The following THSD4 variants were observed in gnomAD, a reference collection of about 807,000 sequenced individuals.
THSD4 encodes thrombospondin type 1 domain containing 4, also known as thrombospondin type-1 domain-containing protein 4.
THSD4 carries 69 observed loss-of-function variants against 119.0 expected under a neutral mutation model. That is an observed-to-expected ratio of 0.58 (90% CI 0.48 to 0.71). THSD4 has a LOEUF of 0.71. Among genes scored for constraint, THSD4 ranks in the 30% least tolerant of loss-of-function variants. The pLI is 0.00. For synonymous variants in THSD4, 524 were observed against 540.4 expected, an observed-to-expected ratio of 0.97 and a Z score of 0.42; for missense variants, 1,393 against 1,391.1, an observed-to-expected ratio of 1.00 and a Z score of -0.02.
intron 6 of THSD4, among the ~76,000 whole-genome samples, chr15:71,398,296 G>A (rs2046478449): frequency 6.6e-6 from 1 of 152,142 alleles, no homozygotes; most frequent in Non-Finnish European, 1.5e-5. Flanking sequence ...ATGGTGGGAG[G>A]GTGGTTCTTT....
intron 7 of THSD4, among the ~76,000 whole-genome samples, chr15:71,442,660 G>GTGTGTGTATATA: frequency 6.6e-4 from 17 of 25,822 alleles, no homozygotes; most frequent in African/African-American, 1.7e-3. Flanking sequence ...GTGTGTGTGT[G>GTGTGTGTATATA]TATATATATA....
intron 14 of THSD4, among the ~76,000 whole-genome samples, chr15:71,753,260 C>A (rs746273322): frequency 6.6e-6 from 1 of 152,116 alleles, no homozygotes; most frequent in Admixed American, 6.5e-5. Flanking sequence ...AAGTAAGCAT[C>A]GTTGACTTTT....
chr15:71,298,707 G>A (rs2044901696), intron 6 of THSD4, among the ~76,000 whole-genome samples: 1 of 151,074 alleles, frequency 6.6e-6, no homozygotes, highest in African/African-American at 2.4e-5. Flanking sequence ...CTGCCTCCTG[G>A]GTTCAAGCAA....
At chr15:71,398,916 T>C (rs1207765212) in intron 6 of THSD4, among the ~76,000 whole-genome samples, 1 of 151,950 alleles carries the variant, frequency 6.6e-6, no homozygotes, top group East Asian at 1.9e-4. Context: ...AGGCTTCCTT[T>C]ATTTAACTGG....
intron 7 of THSD4, among the ~76,000 whole-genome samples, chr15:71,436,765 G>A (rs1391296544): frequency 6.6e-6 from 1 of 152,174 alleles, no homozygotes; most frequent in Non-Finnish European, 1.5e-5. Context: ...CAATGGAAAT[G>A]TTTATACACC....
chr15:71,498,736 C>A (rs1479161514), intron 7 of THSD4, among the ~76,000 whole-genome samples: 1 of 152,118 alleles, frequency 6.6e-6, no homozygotes, highest in African/African-American at 2.4e-5. Flanking sequence ...CACTTTGTCA[C>A]CCAGGCTGGA....
chr15:71,570,902 C>T (rs1215763472), intron 7 of THSD4, among the ~76,000 whole-genome samples: 1 of 151,978 alleles, frequency 6.6e-6, no homozygotes, highest in Non-Finnish European at 1.5e-5. Context: ...AGACTACACT[C>T]CAGGGTGTTC....
chr15:71,233,517 C>T (rs1289768058), intron 4 of THSD4, among the ~76,000 whole-genome samples: 3 of 152,104 alleles, frequency 2.0e-5, no homozygotes, highest in Non-Finnish European at 2.9e-5. Context: ...TGTTTAGTGT[C>T]CTCAGCTTAG....
chr15:71,338,686 C>T (rs1000492410), intron 6 of THSD4, among the ~76,000 whole-genome samples: 1 of 152,030 alleles, frequency 6.6e-6, no homozygotes, highest in African/African-American at 2.4e-5. Context: ...AATCTGTGCC[C>T]AAACACTGAG....
At chr15:71,699,615 C>T (rs557718900) in intron 8 of THSD4, among the ~76,000 whole-genome samples, 1 of 152,306 alleles carries the variant, frequency 6.6e-6, no homozygotes, top group Non-Finnish European at 1.5e-5. Context: ...CTATACCATA[C>T]TTTCATCAAG....
chr15:71,631,844 T>C (rs1346636065), intron 7 of THSD4, among the ~76,000 whole-genome samples: 1 of 152,180 alleles, frequency 6.6e-6, no homozygotes, highest in Non-Finnish European at 1.5e-5. Context: ...GTCAGGTGTC[T>C]CTGGGTTTCG....
chr15:71,231,944 G>A lies in THSD4; in HGVS notation c.465-10705G>A, dbSNP rs538630188. Among the ~76,000 whole-genome samples the A allele has an allele frequency of 2.0e-5, 3 of 152,256 alleles. No homozygotes were observed. The South Asian group carries it at 6.2e-4, about 32-fold the overall frequency. On this transcript the variant is annotated intron_variant, in intron 4 of 17. Coordinates refer to ENST00000261862, the MANE Select transcript of THSD4 (RefSeq NM_024817.3). ...TTTGCTCGCAGGCTCTTTGAACTTA[G>A]CACATGATATCCTTTCTCCCTTTGG...
chr15:71,117,078 C>A (rs541080157), intron 1 of THSD4, among the ~76,000 whole-genome samples: 1 of 152,082 alleles, frequency 6.6e-6, no homozygotes, highest in South Asian at 2.1e-4. Context: ...GAGGTCTGGG[C>A]CTGGGAAATG....
chr15:71,586,224 T>A (rs2049667357), intron 7 of THSD4, among the ~76,000 whole-genome samples: 1 of 152,176 alleles, frequency 6.6e-6, no homozygotes, highest in Non-Finnish European at 1.5e-5. Flanking sequence ...AGACTTTCTC[T>A]TGGCTGATGG....
chr15:71,559,264 C>T (rs1412494105), intron 7 of THSD4, among the ~76,000 whole-genome samples: 1 of 152,118 alleles, frequency 6.6e-6, no homozygotes, highest in Non-Finnish European at 1.5e-5. Flanking sequence ...AGTGGCCACT[C>T]TAGCTTTTGC....
chr15:71,599,975 A>G (rs1225664094), intron 7 of THSD4, among the ~76,000 whole-genome samples: 3 of 152,332 alleles, frequency 2.0e-5, no homozygotes, highest in African/African-American at 7.2e-5. Flanking sequence ...CTCAAATTCT[A>G]AAACATCCAG....
intron 7 of THSD4, among the ~76,000 whole-genome samples, chr15:71,568,568 C>CTTTTTTTTTTTTTTTTTTTTTTTTTTT (rs61430926): frequency 7.3e-6 from 1 of 137,872 alleles, no homozygotes; most frequent in Non-Finnish European, 1.5e-5. Flanking sequence ...CTCTTTTTCT[C>CTTTTTTTTTTTTTTTTTTTTTTTTTTT]TTTTTTTTTT....
At chr15:71,760,036 GA>G (rs892473915) in intron 15 of THSD4, among the ~76,000 whole-genome samples, 9 of 152,256 alleles carry the variant, frequency 5.9e-5, no homozygotes, top group African/African-American at 2.2e-4. Flanking sequence ...CTTATTTCTT[GA>G]AAGGTAAGTT....
chr15:71,754,161 A>G (rs1385044928), intron 14 of THSD4, among the ~76,000 whole-genome samples: 1 of 142,822 alleles, frequency 7.0e-6, no homozygotes, highest in Non-Finnish European at 1.5e-5. Context: ...GGCTTACTGC[A>G]TCACTGCAAC....
Sources: allele counts gnomAD v4.1 joint callset (sites outside exome capture counted in the v4.1 genomes callset), GRCh38; gene constraint gnomAD v4.1.1; transcripts MANE v1.5; gene names NCBI Gene and HGNC (gene_info 2026-07-23, HGNC 2026-07-21).